TRAT1: variants seen among roughly 807,000 people sequenced by gnomAD.
TRAT1 encodes T cell receptor associated transmembrane adaptor 1.
A neutral mutation model predicts 20.0 loss-of-function variants in TRAT1; 20 were observed. That is an observed-to-expected ratio of 1.00 (90% CI 0.70 to 1.45). The LOEUF is 1.45. TRAT1 is among the 40% of genes most tolerant of loss of function. TRAT1 has a pLI of 0.00. For missense variants in TRAT1, 237 were observed against 224.1 expected (o/e 1.06, Z -0.37); for synonymous variants, 77 against 74.2 (o/e 1.04, Z -0.20).
chr3:108,843,580 G>A (rs1945914517), intron 3 of TRAT1, among the ~76,000 whole-genome samples: 1 of 152,058 alleles, frequency 6.6e-6, no homozygotes, highest in Non-Finnish European at 1.5e-5. Context: ...AACAAAACTA[G>A]ATTGCCTTAC....
chr3:108,836,125 G>A (rs1348443818), intron 2 of TRAT1, among the ~76,000 whole-genome samples: 4 of 151,896 alleles, frequency 2.6e-5, no homozygotes, highest in Non-Finnish European at 1.5e-5. Flanking sequence ...TCACCATTTT[G>A]GCCAGGATAG....
chr3:108,844,341 G>A (rs1049823688), intron 3 of TRAT1, among the ~76,000 whole-genome samples: 4 of 149,192 alleles, frequency 2.7e-5, no homozygotes, highest in South Asian at 2.1e-4. Flanking sequence ...TTTTTGAGAC[G>A]GAGTCTCGCT....
At position 108,830,683 on chromosome 3, in the gene TRAT1, C is replaced by T; in HGVS notation, c.21C>T (p.Cys7=). 6.2e-7 allele frequency: 1 copy of T among 1,611,042 alleles called. No individual in the cohort carries two copies. Among genetic ancestry groups the T allele is most frequent in the East Asian group, 2.2e-5 (1 of 44,842 alleles). The part of the protein sequence containing the change: MSGISG[C]PFFLWGLLAL... Reference sequence around the variant, plus strand: ...TTTAATTTCCAGGAATCTCTGGGTGCCCCTTTTTCCTCTGGGGACTTCTAG... The same window carrying T: ...TTTAATTTCCAGGAATCTCTGGGTGTCCCTTTTTCCTCTGGGGACTTCTAG... The change falls in exon 2 of 6, where the codon TGC becomes TGT. Residue 7 remains cysteine (C), a synonymous_variant. Transcript: ENST00000295756.
chr3:108,853,577 A>G, intron 5 of TRAT1, 43 bp from the exon 6 acceptor site: 3 of 1,583,956 alleles, frequency 1.9e-6, no homozygotes, highest in Non-Finnish European at 2.6e-6. Flanking sequence ...AGTCAAGCTA[A>G]AGAACAGACT....
At chr3:108,827,183 A>T (rs1449766802) in intron 1 of TRAT1, among the ~76,000 whole-genome samples, 1 of 152,154 alleles carries the variant, frequency 6.6e-6, no homozygotes, top group Middle Eastern at 3.2e-3. Flanking sequence ...AATTGATCAA[A>T]GCTATATAAA....
chr3:108,829,409 C>A (rs1263486893), intron 1 of TRAT1, among the ~76,000 whole-genome samples: 1 of 151,994 alleles, frequency 6.6e-6, no homozygotes, highest in Non-Finnish European at 1.5e-5. Flanking sequence ...CATGGTGAAA[C>A]CCTGTCTCTA....
At chr3:108,839,843 C>A (rs1167516822) in intron 3 of TRAT1, among the ~76,000 whole-genome samples, 2 of 151,714 alleles carry the variant, frequency 1.3e-5, no homozygotes, top group Non-Finnish European at 2.9e-5. Context: ...TAGTAGTATA[C>A]ATTTTTTTAA....
chr3:108,838,678 C>A (rs953467406), intron 2 of TRAT1, among the ~76,000 whole-genome samples: 2 of 152,080 alleles, frequency 1.3e-5, no homozygotes, highest in African/African-American at 4.8e-5. Context: ...CTGTTTCCAC[C>A]CCAAATTACC....
At chr3:108,830,563 G>A in intron 1 of TRAT1, 107 bp from the exon 2 acceptor site, 2 of 751,818 alleles carry the variant, frequency 2.7e-6, no homozygotes, top group East Asian at 2.5e-5. Context: ...TAGAGACTGT[G>A]TACTTCATTA....
At chr3:108,839,845 T>A (rs79402823) in intron 3 of TRAT1, among the ~76,000 whole-genome samples, 4,743 of 152,112 alleles carry the variant, frequency 0.031, 269 homozygotes, top group African/African-American at 0.11. Flanking sequence ...GTAGTATACA[T>A]TTTTTTAAAA....
In TRAT1 at chr3:108,823,514, T is replaced by C. The variant is rs185631562; in HGVS notation, c.7+580T>C. 1.4e-4 allele frequency among the ~76,000 whole-genome samples: 22 copies of C among 152,318 alleles called. No homozygotes were observed. In the East Asian group the frequency reaches 4.0e-3, roughly 28 times the overall value. On this transcript the variant is annotated intron_variant, in intron 1 of 5. Transcript: ENST00000295756. ...TTCATTCCTCCTGTATTATTTTATG[T>C]ACTTTTAATTTATTAAATAAACATC...
At position 108,844,843 on chromosome 3, in the gene TRAT1, CAAAAAAAAAAA is replaced by C. The variant is rs71103495; in HGVS notation, c.153-2209_153-2199del. On this transcript the variant is annotated intron_variant, in intron 3 of 5. Coordinates refer to ENST00000295756, the MANE Select transcript of TRAT1 (RefSeq NM_016388.4). ...TGGGTGACAGAGAGAGACTCTGTCT[CAAAAAAAAAAA>C]AAAAAAAAAAAAAAAGAAATACGTG... 8.4e-5 allele frequency among the ~76,000 whole-genome samples: 4 copies of C among 47,832 alleles called. 1 individual carries two copies. The highest frequency in any genetic ancestry group is 2.6e-4 in the African/African-American group (3 of 11,692). 31.4% of individuals were successfully genotyped at this position (47,832 alleles called of 152,430 possible). A position where few individuals can be genotyped will look rare whatever the true frequency, so the allele number is the denominator to read the frequency against.
intron 4 of TRAT1, among the ~76,000 whole-genome samples, chr3:108,848,836 A>G (rs1945970863): frequency 6.6e-6 from 1 of 152,212 alleles, no homozygotes; most frequent in Non-Finnish European, 1.5e-5. Context: ...AATACTGGCA[A>G]TCCCTTAACT....
chr3:108,831,223 A>G (rs1945789389), intron 2 of TRAT1, among the ~76,000 whole-genome samples: 1 of 152,246 alleles, frequency 6.6e-6, no homozygotes, highest in Non-Finnish European at 1.5e-5. Flanking sequence ...GAGCGGGGTC[A>G]GAAGACGACT....
intron 1 of TRAT1, among the ~76,000 whole-genome samples, chr3:108,826,340 C>T (rs11923180): frequency 0.019 from 2,962 of 152,208 alleles, 88 homozygotes; most frequent in African/African-American, 0.066. Flanking sequence ...CCCCAACACA[C>T]ACCATTTACT....
chr3:108,829,335 G>A, intron 1 of TRAT1, among the ~76,000 whole-genome samples: 1 of 152,094 alleles, frequency 6.6e-6, no homozygotes, highest in Non-Finnish European at 1.5e-5. Context: ...TGTAATCCCA[G>A]CACTTTGGGA....
intron 3 of TRAT1, among the ~76,000 whole-genome samples, chr3:108,845,390 G>T (rs554493681): frequency 6.6e-6 from 1 of 152,320 alleles, no homozygotes; most frequent in South Asian, 2.1e-4. Context: ...CTAGGAAAAT[G>T]GATGGATTGT....
chr3:108,833,235 T>C (rs564861835), intron 2 of TRAT1, among the ~76,000 whole-genome samples: 83 of 152,232 alleles, frequency 5.5e-4, no homozygotes, highest in Middle Eastern at 3.4e-3. Flanking sequence ...CTGGTCAACA[T>C]GGAGAAACTC....
chr3:108,851,395 A>T (rs996731654), intron 5 of TRAT1, among the ~76,000 whole-genome samples: 3 of 152,204 alleles, frequency 2.0e-5, no homozygotes, highest in Admixed American at 2.0e-4. Flanking sequence ...GAAAAATACA[A>T]GTGTGAGCTT....
Sources: gnomAD v4.1 joint callset for allele counts (sites outside exome capture counted in the v4.1 genomes callset) on GRCh38, gnomAD v4.1.1 for gene constraint, MANE v1.5 for transcripts, NCBI Gene and HGNC (gene_info 2026-07-23, HGNC 2026-07-21) for gene names.